IQCM: variants seen among roughly 807,000 people sequenced by gnomAD.
IQCM encodes the protein IQ motif containing M, also known as IQ domain-containing protein M.
A neutral mutation model predicts 57.6 loss-of-function variants in IQCM; 45 were observed. The ratio of observed to expected loss-of-function variants is 0.78; its 90% CI spans 0.62 to 1.00. The LOEUF (loss-of-function observed/expected upper bound fraction) is 1.00. Ranked by LOEUF, IQCM falls within the 50% of genes least tolerant of loss-of-function variation. The pLI, the probability that IQCM is intolerant of heterozygous loss-of-function variation, is 0.00. For missense variants in IQCM, 468 were observed against 511.6 expected (o/e 0.91, Z 0.82); for synonymous variants, 148 against 158.9 (o/e 0.93, Z 0.51).
intron 5 of IQCM, among the ~76,000 whole-genome samples, chr4:149,708,880 G>A (rs1764352867): frequency 6.6e-6 from 1 of 151,980 alleles, no homozygotes; most frequent in African/African-American, 2.4e-5. Context: ...ACATAAACTT[G>A]CCAATGGTAT....
chr4:149,385,311 G>A (rs543896039), intron 13 of IQCM, among the ~76,000 whole-genome samples: 9 of 152,068 alleles, frequency 5.9e-5, no homozygotes, highest in South Asian at 2.1e-4. Context: ...GGAGACAGCC[G>A]AAAAACGAGT....
chr4:149,355,726 C>A (rs1460454735), intron 13 of IQCM, among the ~76,000 whole-genome samples: 1 of 152,014 alleles, frequency 6.6e-6, no homozygotes, highest in African/African-American at 2.4e-5. Context: ...GTCTTTATAG[C>A]AGCATGATTT....
chr4:149,699,695 CAAAAA>C (rs34250922), intron 5 of IQCM, among the ~76,000 whole-genome samples: 1 of 25,938 alleles, frequency 3.9e-5, no homozygotes, highest in African/African-American at 1.3e-4. Context: ...GTTTGAGTGG[CAAAAA>C]AAAAAAAAAA....
At chr4:149,354,369 A>AAAAAAAAAC (rs1553953417) in intron 13 of IQCM, among the ~76,000 whole-genome samples, 7 of 127,402 alleles carry the variant, frequency 5.5e-5, no homozygotes, top group African/African-American at 2.1e-4. Flanking sequence ...GTCTCAAAAA[A>AAAAAAAAAC]AAAAAAAAAA....
chr4:149,515,255 T>C (rs964577529), intron 12 of IQCM, among the ~76,000 whole-genome samples: 3 of 152,084 alleles, frequency 2.0e-5, no homozygotes, highest in Non-Finnish European at 4.4e-5. Context: ...CGTTTGACTA[T>C]GGGTCATCAA....
intron 13 of IQCM, among the ~76,000 whole-genome samples, chr4:149,407,174 G>A (rs959914995): frequency 1.3e-5 from 2 of 152,004 alleles, no homozygotes; most frequent in African/African-American, 2.4e-5. Flanking sequence ...CCCCCCCCAG[G>A]TCCCTCCCAC....
At chr4:149,498,034 T>A (rs1742853012) in intron 12 of IQCM, among the ~76,000 whole-genome samples, 2 of 152,166 alleles carry the variant, frequency 1.3e-5, no homozygotes, top group South Asian at 4.1e-4. Flanking sequence ...ATTGGAAAAG[T>A]TCCTAAGAAA....
At chr4:149,694,321 T>G (rs1763167691) in intron 5 of IQCM, among the ~76,000 whole-genome samples, 1 of 144,162 alleles carries the variant, frequency 6.9e-6, no homozygotes, top group Non-Finnish European at 1.5e-5. Flanking sequence ...GCCTCCCGGG[T>G]TCACGCCATT....
chr4:149,797,953 GA>G (rs568780704), intron 2 of IQCM, among the ~76,000 whole-genome samples: 3,355 of 143,622 alleles, frequency 0.023, 65 homozygotes, highest in South Asian at 0.038. Context: ...ACTTCAATCA[GA>G]AAAAAAAAAG....
intron 7 of IQCM, among the ~76,000 whole-genome samples, chr4:149,633,006 A>T (rs1172473001): frequency 1.3e-5 from 2 of 149,584 alleles, no homozygotes. Flanking sequence ...CTAAAAATAC[A>T]AAAAATTAGC....
intron 2 of IQCM, among the ~76,000 whole-genome samples, chr4:149,744,828 A>AG (rs1388631964): frequency 6.6e-6 from 1 of 152,194 alleles, no homozygotes; most frequent in Admixed American, 6.5e-5. Context: ...CATTTATTTC[A>AG]GAAAAAAAAG....
intron 13 of IQCM, among the ~76,000 whole-genome samples, chr4:149,379,371 C>T (rs1730920584): frequency 6.6e-6 from 1 of 152,104 alleles, no homozygotes; most frequent in South Asian, 2.1e-4. Flanking sequence ...CCATGCCAGC[C>T]CATGAAAGCA....
intron 2 of IQCM, among the ~76,000 whole-genome samples, chr4:149,775,727 A>G (rs1771028660): frequency 6.6e-6 from 1 of 152,232 alleles, no homozygotes; most frequent in African/African-American, 2.4e-5. Flanking sequence ...CACACAACCT[A>G]TTTAAGTTCT....
At position 149,679,316 on chromosome 4, in the gene IQCM, CA is replaced by C. The variant is rs890636338; in HGVS notation, c.565+2801del. Among the ~76,000 whole-genome samples the C allele has an allele frequency of 4.7e-5, 7 of 148,534 alleles. No individual in the cohort carries two copies. In the East Asian group the frequency reaches 7.9e-4, roughly 17 times the overall value. On this transcript the variant is annotated intron_variant, in intron 7 of 13. Transcript: ENST00000636793. ...GTGTGTTCTCGTTCATATGTGAAAG[CA>C]AAAAAAAAGTTAATCTCAAAGACAA...
intron 7 of IQCM, among the ~76,000 whole-genome samples, chr4:149,673,244 T>TA: frequency 3.3e-5 from 5 of 151,252 alleles, no homozygotes; most frequent in Admixed American, 6.6e-5. Flanking sequence ...CAGCTAACAT[T>TA]ATGACAGGAT....
At chr4:149,634,474 C>T (rs1298799574) in intron 7 of IQCM, among the ~76,000 whole-genome samples, 3 of 152,156 alleles carry the variant, frequency 2.0e-5, no homozygotes, top group African/African-American at 4.8e-5. Context: ...CTGTAAATTC[C>T]TTATAAGGCA....
intron 12 of IQCM, among the ~76,000 whole-genome samples, chr4:149,438,875 G>T (rs1345273515): frequency 6.6e-6 from 1 of 151,918 alleles, no homozygotes; most frequent in Admixed American, 6.6e-5. Flanking sequence ...AAAAATAAAT[G>T]CTAGGACCAC....
intron 12 of IQCM, among the ~76,000 whole-genome samples, chr4:149,481,491 A>G (rs1275925541): frequency 1.3e-5 from 2 of 151,992 alleles, no homozygotes; most frequent in Non-Finnish European, 2.9e-5. Context: ...CAGTTTTCTC[A>G]GCACCATTTA....
rs536156582 is a variant in IQCM, at chr4:149,739,833, A to T, written c.37+2822T>A. Among the ~76,000 whole-genome samples, 18 of 151,692 alleles carry T rather than the reference A, an allele frequency of 1.2e-4. No individual in the cohort carries two copies. In the South Asian group the frequency reaches 1.5e-3, roughly 12 times the overall value. On this transcript the variant is annotated intron_variant, in intron 3 of 13. Transcript: ENST00000636793. ...AAACATTTTCACACATTTATCTTTT[A>T]AAAAAAAACCTCATTTTTCATATAT...
Sources: allele counts gnomAD v4.1 joint callset (sites outside exome capture counted in the v4.1 genomes callset), GRCh38; gene constraint gnomAD v4.1.1; transcripts MANE v1.5; gene names NCBI Gene and HGNC (gene_info 2026-07-23, HGNC 2026-07-21).